The following HIVEP3 variants were observed in gnomAD, a reference collection of about 807,000 sequenced individuals.
HIVEP3 encodes HIVEP zinc finger 3.
In HIVEP3, 49 loss-of-function variants were observed where a neutral mutation model predicts 152.8. The ratio of observed to expected loss-of-function variants is 0.32; its 90% CI spans 0.26 to 0.41. The LOEUF is 0.41. HIVEP3 is among the 10% of genes least tolerant of loss of function. The pLI is 1.00. For synonymous variants in HIVEP3, 1,269 were observed against 1,289.0 expected, an observed-to-expected ratio of 0.98 and a Z score of 0.33; for missense variants, 2,790 against 3,103.3, an observed-to-expected ratio of 0.90 and a Z score of 2.40.
chr1:41,569,710 C>A (rs142832469), intron 5 of HIVEP3, among the ~76,000 whole-genome samples: 1 of 152,106 alleles, frequency 6.6e-6, no homozygotes, highest in Non-Finnish European at 1.5e-5. Flanking sequence ...ATGAAACACA[C>A]AGGTATGTGT....
Position 41,582,963 on chromosome 1 carries a change from T to A in HIVEP3, c.1835A>T (p.Asp612Val). 6.2e-7 allele frequency: 1 copy of A among 1,614,106 alleles called. No homozygotes were observed. The highest frequency in any genetic ancestry group is 8.5e-7 in the Non-Finnish European group (1 of 1,180,026). ...SSEEPGPSSK[D>V]TASKPSDEVE... ...TTCGTCCGAGGGCTTGGAGGCTGTGTCTTTGCTGCTTGGGCCAGGCTCCTC... is the reference window on the plus strand; with the variant it reads ...TTCGTCCGAGGGCTTGGAGGCTGTGACTTTGCTGCTTGGGCCAGGCTCCTC... The change falls in exon 4 of 9, where the codon GAC becomes GTC. Residue 612 changes from aspartate to valine, a missense_variant. By Grantham distance (152) the Asp-to-Val change is radical. Around this residue, in one of 9 missense-constraint regions of HIVEP3, gnomAD observed 339 missense variants for 327.0 expected, o/e 1.04. Coordinates refer to ENST00000372583, the MANE Select transcript of HIVEP3 (RefSeq NM_024503.5). This position sits in a 1 kb window ranked among gnomAD's most constrained non-coding sequence, Gnocchi z 4.7.
chr1:42,008,749 C>T (rs1645476078), intron 1 of HIVEP3, among the ~76,000 whole-genome samples: 1 of 152,198 alleles, frequency 6.6e-6, no homozygotes, highest in Non-Finnish European at 1.5e-5. Context: ...ACACTACTGG[C>T]TGTCACAACA....
chr1:41,578,630 A>AT (rs1181543285), intron 4 of HIVEP3, among the ~76,000 whole-genome samples: 1 of 152,238 alleles, frequency 6.6e-6, no homozygotes, highest in East Asian at 1.9e-4. Flanking sequence ...ACTAATAAAC[A>AT]TTTTTTAATT....
At chr1:41,899,382 T>G (rs1644583640) in intron 1 of HIVEP3, among the ~76,000 whole-genome samples, 1 of 152,198 alleles carries the variant, frequency 6.6e-6, no homozygotes, top group Admixed American at 6.5e-5. Flanking sequence ...AAACAAACAT[T>G]TGTCAAATGT....
intron 1 of HIVEP3, among the ~76,000 whole-genome samples, chr1:42,014,947 T>C (rs1645513431): frequency 6.6e-6 from 1 of 152,180 alleles, no homozygotes; most frequent in Non-Finnish European, 1.5e-5. Context: ...CTTTCCTTAC[T>C]CCACTCACAT....
intron 2 of HIVEP3, among the ~76,000 whole-genome samples, chr1:41,658,674 C>T (rs1373046051): frequency 2.6e-5 from 4 of 152,168 alleles, no homozygotes; most frequent in Admixed American, 2.0e-4. Context: ...GGTGAGCCTG[C>T]GGCAGTGTGT....
At chr1:41,653,843 C>G (rs1645588684) in intron 2 of HIVEP3, among the ~76,000 whole-genome samples, 1 of 149,582 alleles carries the variant, frequency 6.7e-6, no homozygotes, top group Non-Finnish European at 1.5e-5. Context: ...AGCCAACTCA[C>G]TTGTTCTGTG....
Position 41,513,522 on chromosome 1 carries a change from G to A in HIVEP3, c.5699C>T (p.Pro1900Leu). The A allele has an allele frequency of 8.1e-6, 13 of 1,604,826 alleles. No individual in the cohort carries two copies. Among genetic ancestry groups the A allele is most frequent in the Non-Finnish European group, 1.1e-5 (13 of 1,175,890 alleles). Residue 1900 changes from proline (P) to leucine (L), a missense_variant, in exon 8 of 9, where the codon CCT (proline) becomes CTT (leucine). By Grantham distance (98) the Pro-to-Leu change is moderately conservative (BLOSUM62 -3). Coordinates refer to ENST00000372583, the MANE Select transcript of HIVEP3 (RefSeq NM_024503.5). ...AGAGGCGGGGGCATCTGGGGGCTGA[G>A]GGCCCAGGATGGGTGAGGAGTCTGC... is the stretch of plus-strand genomic sequence containing the variant. ...LRADSSPILG[P>L]QPPDAPASGT... is the part of the protein sequence containing the mutation.
At chr1:41,807,048 C>A (rs1160210306) in intron 1 of HIVEP3, among the ~76,000 whole-genome samples, 2 of 152,190 alleles carry the variant, frequency 1.3e-5, no homozygotes, top group Non-Finnish European at 2.9e-5. Context: ...CGGCTCTCCT[C>A]CTACTCTCTG....
chr1:41,935,153 C>T (rs139132044), intron 1 of HIVEP3, among the ~76,000 whole-genome samples: 2 of 152,228 alleles, frequency 1.3e-5, no homozygotes, highest in East Asian at 3.9e-4. Context: ...AGTGACCACT[C>T]ACTACTAGCC....
chr1:41,524,449 G>A (rs1288304696), intron 6 of HIVEP3, among the ~76,000 whole-genome samples: 1 of 152,168 alleles, frequency 6.6e-6, no homozygotes, highest in Non-Finnish European at 1.5e-5. Flanking sequence ...CATGAACGGT[G>A]AGCAAGAGTG....
At chr1:41,817,761 A>G (rs780250434) in intron 1 of HIVEP3, among the ~76,000 whole-genome samples, 10 of 152,220 alleles carry the variant, frequency 6.6e-5, no homozygotes, top group Non-Finnish European at 1.0e-4. Flanking sequence ...TTAGGCATCA[A>G]CATGGCTTCT....
At chr1:41,560,405 G>A (rs910036292) in intron 5 of HIVEP3, among the ~76,000 whole-genome samples, 1 of 152,212 alleles carries the variant, frequency 6.6e-6, no homozygotes, top group Admixed American at 6.5e-5. Flanking sequence ...GACTGGCAAC[G>A]GGGTTGGGGG....
chr1:41,605,460 T>C (rs186057562), intron 3 of HIVEP3, among the ~76,000 whole-genome samples: 190 of 152,222 alleles, frequency 1.2e-3, no homozygotes, highest in Non-Finnish European at 2.0e-3. Context: ...TTCTGGTTTG[T>C]GTACATAACT....
At chr1:41,860,370 G>A (rs1163239813) in intron 1 of HIVEP3, among the ~76,000 whole-genome samples, 1 of 152,144 alleles carries the variant, frequency 6.6e-6, no homozygotes, top group Non-Finnish European at 1.5e-5. Context: ...CCTAAGGTGG[G>A]GCCAGTGGTC....
At chr1:41,914,142 C>T (rs1369012915) in intron 1 of HIVEP3, among the ~76,000 whole-genome samples, 8 of 152,172 alleles carry the variant, frequency 5.3e-5, no homozygotes, top group Non-Finnish European at 7.3e-5. Flanking sequence ...ATGTACTCAC[C>T]ACTTCCATTG....
intron 1 of HIVEP3, among the ~76,000 whole-genome samples, chr1:41,785,144 A>C (rs755353793): frequency 2.0e-5 from 3 of 152,124 alleles, no homozygotes; most frequent in Non-Finnish European, 4.4e-5. Flanking sequence ...ACCTGCCCTG[A>C]CTTCCTTCTT....
At chr1:41,562,657 C>CTTTA (rs1644096496) in intron 5 of HIVEP3, among the ~76,000 whole-genome samples, 1 of 140,714 alleles carries the variant, frequency 7.1e-6, no homozygotes, top group Admixed American at 7.4e-5. Flanking sequence ...TTCTTTCTTT[C>CTTTA]TTTCTTTTCT....
At chr1:41,521,056 C>T (rs990052458) in intron 6 of HIVEP3, among the ~76,000 whole-genome samples, 1 of 152,212 alleles carries the variant, frequency 6.6e-6, no homozygotes, top group Non-Finnish European at 1.5e-5. Context: ...ACCTGGCAGC[C>T]TTGGGTTTGA....
Sources: allele counts gnomAD v4.1 joint callset (sites outside exome capture counted in the v4.1 genomes callset), GRCh38; gene constraint gnomAD v4.1.1; regional missense constraint gnomAD v4.1.1; non-coding constraint Gnocchi (gnomAD v3.1); transcripts MANE v1.5; gene names NCBI Gene and HGNC (gene_info 2026-07-23, HGNC 2026-07-21).